MAGI1: variants seen among roughly 807,000 people sequenced by gnomAD.
MAGI1 encodes the protein membrane-associated guanylate kinase, WW and PDZ domain-containing protein 1.
Under a neutral mutation model 139.9 loss-of-function variants are expected in MAGI1, and 58 were observed. The observed-to-expected ratio is 0.41, with a 90% CI of 0.34 to 0.52. MAGI1 has a LOEUF of 0.52. Ranked by LOEUF, MAGI1 falls within the 20% of genes least tolerant of loss-of-function variation. The probability of loss-of-function intolerance (pLI) is 0.12; values close to 1 mark genes in which losing one functional copy is unlikely to be tolerated. For synonymous variants in MAGI1, 812 were observed against 737.9 expected (o/e 1.10, Z -1.63); for missense variants, 1,874 against 1,901.6 (o/e 0.99, Z 0.27).
At chr3:65,789,687 G>A (rs753899600) in intron 1 of MAGI1, among the ~76,000 whole-genome samples, 7 of 152,168 alleles carry the variant, frequency 4.6e-5, no homozygotes, top group Non-Finnish European at 1.0e-4. Flanking sequence ...TAAAGTGGCT[G>A]ATTTAGCCGG....
chr3:65,631,278 T>A (rs1008542637), intron 1 of MAGI1, among the ~76,000 whole-genome samples: 2 of 152,206 alleles, frequency 1.3e-5, no homozygotes, highest in Non-Finnish European at 2.9e-5. Flanking sequence ...ATGAACAGCT[T>A]TGAGTGGAAT....
chr3:65,756,288 A>T (rs1351041804), intron 1 of MAGI1, among the ~76,000 whole-genome samples: 1 of 152,234 alleles, frequency 6.6e-6, no homozygotes, highest in Non-Finnish European at 1.5e-5. Context: ...ATTTTTACAC[A>T]GCATAAATAA....
chr3:65,473,126 T>C lies in MAGI1; in HGVS notation c.758-2642A>G, dbSNP rs149470291. 1.5e-3 allele frequency among the ~76,000 whole-genome samples: 233 copies of C among 152,282 alleles called. 3 individuals are homozygous for C. Among genetic ancestry groups the C allele is most frequent in the African/African-American group, 5.1e-3 (210 of 41,570 alleles). On this transcript the variant is annotated intron_variant, in intron 4 of 22. Coordinates refer to ENST00000402939, the MANE Select transcript of MAGI1 (RefSeq NM_001033057.2). ...ATAGTGTCTAGCACATAGTGAGCCA[T>C]AGTAGGTAGTTGCCAGCAGCAAAAG...
intron 2 of MAGI1, among the ~76,000 whole-genome samples, chr3:65,506,403 C>T (rs996651608): frequency 6.6e-6 from 1 of 152,164 alleles, no homozygotes; most frequent in Non-Finnish European, 1.5e-5. Context: ...AGAAGGAAGA[C>T]TATGGATCAC....
intron 2 of MAGI1, among the ~76,000 whole-genome samples, chr3:65,523,909 G>A (rs1053500812): frequency 1.3e-5 from 2 of 152,138 alleles, no homozygotes; most frequent in African/African-American, 4.8e-5. Flanking sequence ...AGCTTATGAT[G>A]TCCTATTACT....
chr3:65,553,940 T>C (rs2079969919), intron 2 of MAGI1, among the ~76,000 whole-genome samples: 3 of 152,168 alleles, frequency 2.0e-5, no homozygotes, highest in Admixed American at 2.0e-4. Context: ...AATGAGACAA[T>C]ATAGGCAAAT....
At chr3:65,623,274 G>A (rs957508452) in intron 1 of MAGI1, among the ~76,000 whole-genome samples, 2 of 152,076 alleles carry the variant, frequency 1.3e-5, no homozygotes, top group African/African-American at 4.8e-5. Context: ...TGTTGTTATT[G>A]TTAAGCATAG....
intron 1 of MAGI1, among the ~76,000 whole-genome samples, chr3:65,689,371 C>A (rs1464016299): frequency 6.6e-6 from 1 of 152,184 alleles, no homozygotes; most frequent in Non-Finnish European, 1.5e-5. Context: ...AGTGTCCCAC[C>A]AGCAGCTCAA....
At chr3:65,841,747 A>G (rs979241256) in intron 1 of MAGI1, among the ~76,000 whole-genome samples, 2 of 152,042 alleles carry the variant, frequency 1.3e-5, no homozygotes, top group African/African-American at 4.8e-5. Context: ...TTTCTAATAT[A>G]AGCATTTAGT....
intron 1 of MAGI1, among the ~76,000 whole-genome samples, chr3:65,993,037 C>G (rs1454107344): frequency 6.6e-6 from 1 of 151,840 alleles, no homozygotes; most frequent in Non-Finnish European, 1.5e-5. Flanking sequence ...CACTATATTG[C>G]CCAGGGTGGT....
chr3:65,761,593 G>A (rs1454393596), intron 1 of MAGI1, among the ~76,000 whole-genome samples: 7 of 152,132 alleles, frequency 4.6e-5, no homozygotes. Flanking sequence ...AGAGGAGCAA[G>A]CCATTTTGTT....
chr3:65,422,763 G>C (rs1416657556), intron 12 of MAGI1, among the ~76,000 whole-genome samples: 1 of 152,040 alleles, frequency 6.6e-6, no homozygotes, highest in East Asian at 1.9e-4. Context: ...CAGATGAAAG[G>C]GGATGAAATA....
At chr3:65,591,605 G>A (rs965162385) in intron 2 of MAGI1, among the ~76,000 whole-genome samples, 1 of 152,150 alleles carries the variant, frequency 6.6e-6, no homozygotes, top group Non-Finnish European at 1.5e-5. Flanking sequence ...TCAAGACTCT[G>A]CAATGGCTCC....
intron 3 of MAGI1, among the ~76,000 whole-genome samples, chr3:65,482,965 T>A (rs1448353959): frequency 2.0e-5 from 3 of 152,220 alleles, no homozygotes; most frequent in African/African-American, 7.2e-5. Flanking sequence ...GCTCCTCCTC[T>A]TGGTTTTGCC....
At chr3:65,612,110 A>G (rs992408224) in intron 2 of MAGI1, among the ~76,000 whole-genome samples, 3 of 152,138 alleles carry the variant, frequency 2.0e-5, no homozygotes, top group African/African-American at 4.8e-5. Context: ...AAACACTGAT[A>G]TAAGTAAGGG....
intron 1 of MAGI1, among the ~76,000 whole-genome samples, chr3:65,967,179 A>G (rs1165828727): frequency 2.0e-5 from 3 of 152,162 alleles, no homozygotes; most frequent in African/African-American, 7.2e-5. Context: ...TCACTGAAAA[A>G]GCCCAAAAAG....
chr3:65,958,824 TA>T (rs1010852835), intron 1 of MAGI1, among the ~76,000 whole-genome samples: 1 of 151,968 alleles, frequency 6.6e-6, no homozygotes, highest in Non-Finnish European at 1.5e-5. Flanking sequence ...CTGTCTATAT[TA>T]AAAATACAAA....
chr3:65,719,482 T>C (rs1211481318), intron 1 of MAGI1, among the ~76,000 whole-genome samples: 1 of 152,032 alleles, frequency 6.6e-6, no homozygotes, highest in Non-Finnish European at 1.5e-5. Context: ...TAAATATTCA[T>C]CTATAACATC....
chr3:65,552,159 G>A (rs1027448644), intron 2 of MAGI1, among the ~76,000 whole-genome samples: 2 of 152,164 alleles, frequency 1.3e-5, no homozygotes, highest in African/African-American at 4.8e-5. Flanking sequence ...GAGGCAGAAA[G>A]CCTGTAATTA....
Sources: allele counts gnomAD v4.1 joint callset (sites outside exome capture counted in the v4.1 genomes callset), GRCh38; gene constraint gnomAD v4.1.1; transcripts MANE v1.5; gene names NCBI Gene and HGNC (gene_info 2026-07-23, HGNC 2026-07-21).